FAM185A: variants seen among roughly 807,000 people sequenced by gnomAD.
FAM185A encodes family with sequence similarity 185 member A, also known as protein FAM185A.
A neutral mutation model predicts 45.7 loss-of-function variants in FAM185A; 21 were observed. The observed-to-expected ratio is 0.46, with a 90% CI of 0.33 to 0.66. The LOEUF (loss-of-function observed/expected upper bound fraction) is 0.66, where lower values mean the gene tolerates loss of function less well. FAM185A is among the 30% of genes least tolerant of loss of function. The pLI is 0.03. For synonymous variants in FAM185A, 117 were observed against 194.0 expected (o/e 0.60, Z 3.30); for missense variants, 305 against 485.4 (o/e 0.63, Z 3.49).
At chr7:102,812,404 T>C (rs773240208), downstream of FAM185A, among the ~76,000 whole-genome samples, 19 of 152,222 alleles carry the variant, frequency 1.2e-4, no homozygotes, top group Non-Finnish European at 1.3e-4. Context: ...GAGATGTCTT[T>C]CTGAGACATT....
the FAM185A span, among the ~76,000 whole-genome samples, chr7:102,839,087 C>G: frequency 1.3e-5 from 2 of 152,228 alleles, no homozygotes; most frequent in African/African-American, 2.4e-5. Flanking sequence ...GAAAAACCGC[C>G]CTATGGCGGG....
chr7:102,784,344 AT>A (rs1795629813), intron 6 of FAM185A, among the ~76,000 whole-genome samples: 2 of 151,962 alleles, frequency 1.3e-5, no homozygotes, highest in African/African-American at 4.8e-5. Context: ...TGAGGCCAGC[AT>A]CATCCTGATA....
At chr7:102,844,069 G>A in the FAM185A span, among the ~76,000 whole-genome samples, 3 of 152,220 alleles carry the variant, frequency 2.0e-5, no homozygotes, top group African/African-American at 4.8e-5. Context: ...AAACACAAGA[G>A]AGCAGATGAG....
chr7:102,756,428 C>T (rs558890697), intron 2 of FAM185A, among the ~76,000 whole-genome samples: 23 of 151,724 alleles, frequency 1.5e-4, no homozygotes, highest in Admixed American at 3.9e-4. Context: ...AAGGCTGAGG[C>T]GGGTGGATCA....
chr7:102,828,508 A>G, the FAM185A span, among the ~76,000 whole-genome samples: 1 of 152,338 alleles, frequency 6.6e-6, no homozygotes, highest in Admixed American at 6.5e-5. Context: ...GAATCCCAGA[A>G]TTAGCAAATC....
In FAM185A at chr7:102,749,466, G is replaced by A. The variant is rs1793202927; in HGVS notation, c.259G>A (p.Val87Met). Residue 87 changes from valine (V) to methionine (M), a missense_variant, in exon 1 of 8, where the codon GTG becomes ATG. Coordinates refer to ENST00000413034, the MANE Select transcript of FAM185A (RefSeq NM_001145268.2). ...LRARLPCHLA[V>M]RPLDPLTYPD... Reference sequence around the variant, plus strand: ...GGCGCGGCTCCCGTGCCACCTGGCCGTGAGGCCCCTGGACCCCCTCACCTA... The same window carrying A: ...GGCGCGGCTCCCGTGCCACCTGGCCATGAGGCCCCTGGACCCCCTCACCTA... 3 of 1,547,092 alleles carry A rather than the reference G, an allele frequency of 1.9e-6. No homozygotes were observed. The highest frequency in any genetic ancestry group is 1.2e-5 in the South Asian group (1 of 83,782).
chr7:102,794,035 CAAAAA>C (rs765672577), intron 7 of FAM185A, among the ~76,000 whole-genome samples: 5 of 60,608 alleles, frequency 8.2e-5, no homozygotes, highest in African/African-American at 2.0e-4. Flanking sequence ...GACTCTGTCT[CAAAAA>C]AAAAAAAAAA....
chr7:102,843,186 G>A, the FAM185A span, among the ~76,000 whole-genome samples: 2 of 152,210 alleles, frequency 1.3e-5, no homozygotes, highest in African/African-American at 2.4e-5. Flanking sequence ...GCTCACACCT[G>A]TAACCCCAAC....
intron 4 of FAM185A, among the ~76,000 whole-genome samples, chr7:102,768,350 T>C (rs1470450431): frequency 1.3e-5 from 2 of 148,254 alleles, no homozygotes; most frequent in African/African-American, 4.9e-5. Context: ...ATGCTTTTCC[T>C]AGCTTTTTAA....
At chr7:102,847,032 T>G in the FAM185A span, among the ~76,000 whole-genome samples, 4 of 152,182 alleles carry the variant, frequency 2.6e-5, no homozygotes, top group Non-Finnish European at 5.9e-5. Context: ...TGATATGAAA[T>G]TCAAATTTTC....
the FAM185A span, among the ~76,000 whole-genome samples, chr7:102,820,464 T>G: frequency 1.3e-5 from 2 of 151,908 alleles, no homozygotes; most frequent in Admixed American, 6.5e-5. Flanking sequence ...CTTGTTTTAT[T>G]TTTTTTGCAC....
chr7:102,804,343 C>G (rs929673495), intron 7 of FAM185A, among the ~76,000 whole-genome samples: 1 of 152,310 alleles, frequency 6.6e-6, no homozygotes. Flanking sequence ...GCACATAGAC[C>G]AATGGAACAG....
At chr7:102,760,513 TATTC>T (rs1794047255) in intron 3 of FAM185A, among the ~76,000 whole-genome samples, 1 of 151,922 alleles carries the variant, frequency 6.6e-6, no homozygotes, top group Non-Finnish European at 1.5e-5. Context: ...ATTCAAAACC[TATTC>T]ATGATTTAAA....
At chr7:102,814,740 C>T in the FAM185A span, among the ~76,000 whole-genome samples, 1 of 152,154 alleles carries the variant, frequency 6.6e-6, no homozygotes, top group South Asian at 2.1e-4. Flanking sequence ...AGTTTATTCT[C>T]TTCAGAGAAA....
At chr7:102,827,111 T>A in the FAM185A span, 1 of 454,026 alleles carries the variant, frequency 2.2e-6, no homozygotes, top group Non-Finnish European at 4.4e-6. Flanking sequence ...AGAAGTCATA[T>A]TCTTCTGAGC....
chr7:102,833,794 A>T, the FAM185A span, among the ~76,000 whole-genome samples: 1 of 151,924 alleles, frequency 6.6e-6, no homozygotes, highest in African/African-American at 2.4e-5. Context: ...TGTTCACCTG[A>T]AATATCTAGG....
At chr7:102,781,276 A>C (rs1795388930) in intron 6 of FAM185A, among the ~76,000 whole-genome samples, 2 of 152,230 alleles carry the variant, frequency 1.3e-5, no homozygotes, top group South Asian at 4.1e-4. Context: ...AAAGCTCTGC[A>C]AACTTAAATA....
chr7:102,822,126 C>G, the FAM185A span: 3 of 1,614,196 alleles, frequency 1.9e-6, no homozygotes, highest in South Asian at 1.1e-5. Flanking sequence ...GGTCAGTAAG[C>G]AAGACACAAC....
At chr7:102,811,359 T>C (rs1449695112), downstream of FAM185A, among the ~76,000 whole-genome samples, 1 of 152,250 alleles carries the variant, frequency 6.6e-6, no homozygotes, top group Non-Finnish European at 1.5e-5. Context: ...CTAATATCTT[T>C]GATATTTTGA....
Sources: allele counts gnomAD v4.1 joint callset (sites outside exome capture counted in the v4.1 genomes callset), GRCh38; gene constraint gnomAD v4.1.1; transcripts MANE v1.5; gene names NCBI Gene and HGNC (gene_info 2026-07-23, HGNC 2026-07-21).